The following FBXL17 variants were observed in gnomAD, a reference collection of about 807,000 sequenced individuals.
FBXL17 encodes F-box/LRR-repeat protein 17.
FBXL17 carries 22 observed loss-of-function variants against 66.2 expected under a neutral mutation model. The observed-to-expected ratio is 0.33, with a 90% CI of 0.24 to 0.47. The LOEUF (loss-of-function observed/expected upper bound fraction) is 0.47. Among genes scored for constraint, FBXL17 ranks in the 20% least tolerant of loss-of-function variants. The pLI, the probability that FBXL17 is intolerant of heterozygous loss-of-function variation, is 1.00. For synonymous variants in FBXL17, 474 were observed against 400.5 expected, an observed-to-expected ratio of 1.18 and a Z score of -2.19; for missense variants, 878 against 948.2, an observed-to-expected ratio of 0.93 and a Z score of 0.97.
At chr5:107,878,727 C>T (rs1748690103) in intron 8 of FBXL17, 1 of 985,340 alleles carries the variant, frequency 1.0e-6, no homozygotes, top group South Asian at 4.7e-5. Flanking sequence ...AACAAGCAGG[C>T]TTTTCTGTGC....
At chr5:107,880,478 A>C in intron 8 of FBXL17, 4 of 994,104 alleles carry the variant, frequency 4.0e-6, no homozygotes, top group Non-Finnish European at 4.8e-6. Context: ...TTCCACCAGG[A>C]CCTCTGGAAC....
At chr5:107,914,675 C>A (rs1750068843) in intron 7 of FBXL17, among the ~76,000 whole-genome samples, 1 of 152,178 alleles carries the variant, frequency 6.6e-6, no homozygotes, top group African/African-American at 2.4e-5. Context: ...TGGGAATGCT[C>A]AGAGGATTCT....
chr5:108,103,793 C>T (rs1205640686), intron 6 of FBXL17, among the ~76,000 whole-genome samples: 2 of 152,086 alleles, frequency 1.3e-5, no homozygotes, highest in African/African-American at 4.8e-5. Flanking sequence ...AGGTCTCTTC[C>T]GTAGTTTTTG....
At chr5:107,955,315 T>C (rs1455390199) in intron 7 of FBXL17, among the ~76,000 whole-genome samples, 1 of 152,098 alleles carries the variant, frequency 6.6e-6, no homozygotes, top group Admixed American at 6.6e-5. Flanking sequence ...AATTAGAGTG[T>C]CTAACGTGAG....
intron 6 of FBXL17, among the ~76,000 whole-genome samples, chr5:108,119,140 T>C (rs902277080): frequency 1.3e-5 from 2 of 152,144 alleles, no homozygotes; most frequent in African/African-American, 2.4e-5. Flanking sequence ...ATTAAAAATA[T>C]AAATAAATTC....
intron 6 of FBXL17, among the ~76,000 whole-genome samples, chr5:108,079,204 G>C (rs1454870052): frequency 6.7e-6 from 1 of 148,764 alleles, no homozygotes; most frequent in African/African-American, 2.5e-5. Context: ...GATTTTTTTA[G>C]CCAACCTTCA....
chr5:107,885,120 C>G (rs778878318), intron 7 of FBXL17, among the ~76,000 whole-genome samples: 1 of 152,104 alleles, frequency 6.6e-6, no homozygotes, highest in Non-Finnish European at 1.5e-5. Context: ...TGACACATTA[C>G]AATGGTATTT....
At chr5:108,373,411 A>G (rs1221815167) in intron 1 of FBXL17, among the ~76,000 whole-genome samples, 1 of 146,356 alleles carries the variant, frequency 6.8e-6, no homozygotes, top group Non-Finnish European at 1.5e-5. Context: ...GATATGTTAT[A>G]TTTATTTATA....
intron 6 of FBXL17, among the ~76,000 whole-genome samples, chr5:108,159,540 T>C (rs1373642864): frequency 6.6e-6 from 1 of 152,172 alleles, no homozygotes; most frequent in Non-Finnish European, 1.5e-5. Flanking sequence ...CTCTACTATG[T>C]GAGGACTCAG....
intron 6 of FBXL17, among the ~76,000 whole-genome samples, chr5:108,055,280 G>GAAAAAAAAAAAAA (rs1000211060): frequency 2.5e-4 from 6 of 23,706 alleles, no homozygotes; most frequent in Non-Finnish European, 3.9e-4. Flanking sequence ...AGAATTTTTA[G>GAAAAAAAAAAAAA]AAAAAAAAAA....
chr5:107,967,849 T>C (rs1158036715), intron 7 of FBXL17, among the ~76,000 whole-genome samples: 1 of 152,130 alleles, frequency 6.6e-6, no homozygotes, highest in African/African-American at 2.4e-5. Context: ...TAACTTCCTA[T>C]ATTCCATGTA....
At chr5:107,962,523 CA>C (rs1751955722) in intron 7 of FBXL17, among the ~76,000 whole-genome samples, 1 of 151,960 alleles carries the variant, frequency 6.6e-6, no homozygotes, top group Admixed American at 6.6e-5. Flanking sequence ...CATTTACATA[CA>C]AAACTCAAAA....
At chr5:107,998,679 CA>C (rs1423541336) in intron 7 of FBXL17, among the ~76,000 whole-genome samples, 1 of 151,980 alleles carries the variant, frequency 6.6e-6, no homozygotes, top group Non-Finnish European at 1.5e-5. Flanking sequence ...AAGTCAAAAG[CA>C]AAAACCCGAG....
At chr5:107,922,705 G>A (rs970496773) in intron 7 of FBXL17, among the ~76,000 whole-genome samples, 19 of 152,038 alleles carry the variant, frequency 1.2e-4, no homozygotes, top group African/African-American at 3.6e-4. Flanking sequence ...CCTAAAGCCC[G>A]GCTACTTCAT....
chr5:107,979,469 G>A (rs1291317175), intron 7 of FBXL17, among the ~76,000 whole-genome samples: 1 of 152,162 alleles, frequency 6.6e-6, no homozygotes, highest in African/African-American at 2.4e-5. Flanking sequence ...TTTGGCATTT[G>A]TTATGTTAGT....
chr5:107,871,084 A>G (rs1748441353), intron 8 of FBXL17, among the ~76,000 whole-genome samples: 1 of 144,108 alleles, frequency 6.9e-6, no homozygotes, highest in African/African-American at 2.5e-5. Flanking sequence ...AAAAAACCTC[A>G]TCTAAAAATC....
chr5:108,015,214 A>G lies in FBXL17; in HGVS notation c.1822+5711T>C, dbSNP rs143131665. Among the ~76,000 whole-genome samples the G allele has an allele frequency of 1.4e-3, 206 of 152,354 alleles. 1 individual carries two copies. Among genetic ancestry groups the G allele is most frequent in the African/African-American group, 4.9e-3 (203 of 41,598 alleles). ...GAGAGAAATAACTTTTAAGATGAAC[A>G]TAAAAACAAGGGAAATTTGCAAGCA... On this transcript the variant is annotated intron_variant, in intron 7 of 8. Transcript: ENST00000542267.
chr5:108,314,049 T>C (rs1759242458), intron 4 of FBXL17, among the ~76,000 whole-genome samples: 1 of 151,952 alleles, frequency 6.6e-6, no homozygotes, highest in Middle Eastern at 3.4e-3. Context: ...AAAAGGTAAA[T>C]AGGAGTTCTT....
chr5:108,189,325 ATGGGATG>A (rs1753371141), intron 5 of FBXL17, among the ~76,000 whole-genome samples: 1 of 138,072 alleles, frequency 7.2e-6, no homozygotes, highest in South Asian at 2.8e-4. Context: ...ATGGGATGGG[ATGGGATG>A]GGATGGGATG....
Sources: allele counts gnomAD v4.1 joint callset (sites outside exome capture counted in the v4.1 genomes callset), GRCh38; gene constraint gnomAD v4.1.1; transcripts MANE v1.5; gene names NCBI Gene and HGNC (gene_info 2026-07-23, HGNC 2026-07-21).